DNM3: variants seen among roughly 807,000 people sequenced by gnomAD.
DNM3 encodes dynamin 3.
Under a neutral mutation model 101.6 loss-of-function variants are expected in DNM3, and 47 were observed. The observed-to-expected ratio is 0.46, with a 90% CI of 0.37 to 0.59. DNM3 has a LOEUF of 0.59. DNM3 is among the 20% of genes least tolerant of loss of function. DNM3 has a pLI of 0.00. For synonymous variants in DNM3, 385 were observed against 387.9 expected (o/e 0.99, Z 0.09); for missense variants, 849 against 1,085.7 (o/e 0.78, Z 3.06).
rs746200444 is a variant in DNM3, at chr1:172,001,059, A to C, written c.589+11911A>C. On this transcript the variant is annotated intron_variant, in intron 4 of 20. Coordinates refer to ENST00000627582, the MANE Select transcript of DNM3 (RefSeq NM_015569.5). ...GAAATGTCCTTGATTTAGGAGAATGAGGATGGGATACAGGGCACCTGTGAG... is the reference window on the plus strand; with the variant it reads ...GAAATGTCCTTGATTTAGGAGAATGCGGATGGGATACAGGGCACCTGTGAG... Among the ~76,000 whole-genome samples the C allele has an allele frequency of 1.2e-4, 18 of 152,054 alleles. 1 individual carries two copies. The highest frequency in any genetic ancestry group is 1.0e-4 in the Non-Finnish European group (7 of 67,972).
At chr1:172,396,317 C>T (rs1200109535) in intron 20 of DNM3, among the ~76,000 whole-genome samples, 1 of 152,198 alleles carries the variant, frequency 6.6e-6, no homozygotes, top group African/African-American at 2.4e-5. Flanking sequence ...TAGGGTCTTC[C>T]TAACTTCAGT....
chr1:171,892,826 A>AATAGAGTTAG (rs1226905115), intron 1 of DNM3, among the ~76,000 whole-genome samples: 33 of 152,200 alleles, frequency 2.2e-4, no homozygotes, highest in African/African-American at 7.7e-4. Flanking sequence ...AGGCGCATGC[A>AATAGAGTTAG]ACCTAGATCC....
At chr1:172,141,458 A>G (rs1389249768) in intron 14 of DNM3, among the ~76,000 whole-genome samples, 2 of 152,062 alleles carry the variant, frequency 1.3e-5, no homozygotes, top group African/African-American at 2.4e-5. Context: ...AGTAAAGTGC[A>G]TTGTTTATAA....
chr1:172,271,153 G>T (rs1252605297), intron 15 of DNM3, among the ~76,000 whole-genome samples: 3 of 152,076 alleles, frequency 2.0e-5, no homozygotes, highest in Non-Finnish European at 4.4e-5. Context: ...GATTATATCA[G>T]GAATATTGTG....
chr1:172,348,939 T>C (rs1414479831), intron 17 of DNM3, among the ~76,000 whole-genome samples: 1 of 152,200 alleles, frequency 6.6e-6, no homozygotes, highest in Admixed American at 6.5e-5. Context: ...CAGTCCCACC[T>C]GACCCATCGT....
At chr1:172,209,189 T>A (rs1196247326) in intron 14 of DNM3, among the ~76,000 whole-genome samples, 2 of 151,858 alleles carry the variant, frequency 1.3e-5, no homozygotes, top group Non-Finnish European at 2.9e-5. Flanking sequence ...TGACATACAA[T>A]GAGACACCAA....
At chr1:171,866,858 A>G (rs1571320169) in intron 1 of DNM3, among the ~76,000 whole-genome samples, 1 of 152,008 alleles carries the variant, frequency 6.6e-6, no homozygotes, top group African/African-American at 2.4e-5. Context: ...GTGTTCAGTA[A>G]TTTTTTGCAA....
intron 1 of DNM3, among the ~76,000 whole-genome samples, chr1:171,908,979 C>T (rs903845925): frequency 2.0e-5 from 3 of 152,154 alleles, no homozygotes; most frequent in Admixed American, 2.0e-4. Flanking sequence ...CTTCCTCCCT[C>T]CCTTTTTTCC....
chr1:172,151,573 T>C (rs936922740), intron 14 of DNM3, among the ~76,000 whole-genome samples: 1 of 152,198 alleles, frequency 6.6e-6, no homozygotes, highest in Non-Finnish European at 1.5e-5. Context: ...TTTGTTTTCA[T>C]TGGCCAGAAT....
intron 14 of DNM3, chr1:172,144,527 C>T (rs554245035): frequency 8.3e-6 from 4 of 483,468 alleles, no homozygotes; most frequent in African/African-American, 4.0e-5. Flanking sequence ...CCCAGCGGTC[C>T]ATGGCGTTGC....
intron 13 of DNM3, among the ~76,000 whole-genome samples, chr1:172,095,086 C>G (rs1323784700): frequency 6.6e-6 from 1 of 152,186 alleles, no homozygotes; most frequent in Admixed American, 6.6e-5. Flanking sequence ...TATTACATCT[C>G]AAGATAATAG....
rs576701620 is a variant in DNM3, at chr1:171,870,252, G to T, written c.161+28435G>T. Among the ~76,000 whole-genome samples, 9 of 150,306 alleles carry T rather than the reference G, an allele frequency of 6.0e-5. No individual in the cohort carries two copies. The East Asian group carries it at 1.7e-3, about 29-fold the overall frequency. On this transcript the variant is annotated intron_variant, in intron 1 of 20. Transcript: ENST00000627582. ...CTTACTGATTTAAAGTAAAATTGGG[G>T]TAACATATGATTTTTATAGACTCTC...
chr1:172,057,737 A>G (rs1366579340), intron 10 of DNM3, among the ~76,000 whole-genome samples: 1 of 151,922 alleles, frequency 6.6e-6, no homozygotes. Flanking sequence ...CCGCTGCAAA[A>G]TCATGCCAAA....
chr1:172,156,428 C>T (rs940288541), intron 14 of DNM3, among the ~76,000 whole-genome samples: 2 of 152,020 alleles, frequency 1.3e-5, no homozygotes, highest in African/African-American at 4.8e-5. Context: ...TTTTTGTAAT[C>T]TTCTTAGTTT....
At chr1:171,915,769 A>G (rs2125298327) in intron 1 of DNM3, among the ~76,000 whole-genome samples, 1 of 152,098 alleles carries the variant, frequency 6.6e-6, no homozygotes, top group South Asian at 2.1e-4. Flanking sequence ...CCTAGTGGAG[A>G]TGTTAAGAGT....
chr1:171,979,265 G>T (rs1001033346), intron 2 of DNM3, among the ~76,000 whole-genome samples: 1 of 152,046 alleles, frequency 6.6e-6, no homozygotes, highest in African/African-American at 2.4e-5. Context: ...TGCTCAGAAT[G>T]CTTCTTTCCT....
chr1:171,931,934 A>G (rs1407020680), intron 2 of DNM3, among the ~76,000 whole-genome samples: 2 of 152,060 alleles, frequency 1.3e-5, no homozygotes, highest in South Asian at 4.1e-4. Context: ...ATACCTTAAA[A>G]ATATTTATTA....
rs929503289 is a variant in DNM3, at chr1:172,206,529, T to C, written c.1660-47044T>C. ...AAGGATTTGCCTAAATAATACTGCT[T>C]TTTTTTTCTTTTACTGCAAGTACCT... On this transcript the variant is annotated intron_variant, in intron 14 of 20. Coordinates refer to ENST00000627582, the MANE Select transcript of DNM3 (RefSeq NM_015569.5). Among the ~76,000 whole-genome samples the C allele has an allele frequency of 5.3e-5, 8 of 152,144 alleles. No homozygotes were observed. The East Asian group carries it at 9.7e-4, about 18-fold the overall frequency.
intron 15 of DNM3, among the ~76,000 whole-genome samples, chr1:172,269,081 A>T (rs1218947458): frequency 6.6e-6 from 1 of 152,176 alleles, no homozygotes; most frequent in African/African-American, 2.4e-5. Context: ...CTTCCCAAGG[A>T]TTTAAACTGG....
Sources: gnomAD v4.1 joint callset for allele counts (sites outside exome capture counted in the v4.1 genomes callset) on GRCh38, gnomAD v4.1.1 for gene constraint, MANE v1.5 for transcripts, NCBI Gene and HGNC (gene_info 2026-07-23, HGNC 2026-07-21) for gene names.